EFCAB13: variants seen among roughly 807,000 people sequenced by gnomAD.
EFCAB13 encodes EF-hand calcium binding domain 13.
EFCAB13 carries 91 observed loss-of-function variants against 110.2 expected under a neutral mutation model. The ratio of observed to expected loss-of-function variants is 0.83; its 90% CI spans 0.70 to 0.98. The LOEUF (loss-of-function observed/expected upper bound fraction) is 0.98. Ranked by LOEUF, EFCAB13 falls within the 50% of genes least tolerant of loss-of-function variation. The pLI is 0.00. For missense variants in EFCAB13, 968 were observed against 1,119.4 expected, an observed-to-expected ratio of 0.86 and a Z score of 1.93; for synonymous variants, 323 against 369.9, an observed-to-expected ratio of 0.87 and a Z score of 1.45.
At chr17:47,328,789 T>G (rs1241672003) in intron 4 of EFCAB13, 1 of 160,780 alleles carries the variant, frequency 6.2e-6, no homozygotes, top group East Asian at 1.8e-4. Context: ...TTCTGTCTTT[T>G]TAGATGCCTC....
At chr17:47,418,945 C>A (rs1451120590) in intron 23 of EFCAB13, among the ~76,000 whole-genome samples, 1 of 152,126 alleles carries the variant, frequency 6.6e-6, no homozygotes, top group Admixed American at 6.5e-5. Flanking sequence ...CTTTTGATTG[C>A]TATAGCTTTG....
intron 24 of EFCAB13, among the ~76,000 whole-genome samples, chr17:47,433,302 T>C (rs1382178479): frequency 6.6e-6 from 1 of 152,208 alleles, no homozygotes; most frequent in Non-Finnish European, 1.5e-5. Context: ...CATGATTTGT[T>C]ACTGATGATA....
chr17:47,435,667 T>C (rs1230776359), intron 24 of EFCAB13, among the ~76,000 whole-genome samples: 8 of 152,144 alleles, frequency 5.3e-5, no homozygotes, highest in Admixed American at 6.5e-5. Flanking sequence ...TGCTGATTCT[T>C]TTATCAGTTC....
rs1489335961 is a variant in EFCAB13, at chr17:47,323,993, G to C, written c.-399G>C. On this transcript the variant is annotated 5_prime_UTR_variant, in exon 1 of 25. Transcript: ENST00000331493. The stretch of plus-strand genomic sequence containing the variant: ...CTGGGAAGGCTGCAGAGCTAGAGCA[G>C]CGCCGCCCGAGGGGCGGCAGGGGCT... 6.6e-6 allele frequency: 1 copy of C among 152,432 alleles called. No homozygotes were observed. Among genetic ancestry groups the C allele is most frequent in the South Asian group, 2.1e-4 (1 of 4,832 alleles). The allele number at this position is 152,432 out of a possible 1,614,324, so 9.4% of individuals were successfully genotyped here.
chr17:47,334,137 G>C (rs199696851), intron 4 of EFCAB13, among the ~76,000 whole-genome samples: 9 of 144,246 alleles, frequency 6.2e-5, no homozygotes, highest in African/African-American at 2.3e-4. Context: ...TTTTTTTTTT[G>C]TTAAAATTTC....
At chr17:47,424,537 CTTAT>C (rs1213694239) in intron 23 of EFCAB13, among the ~76,000 whole-genome samples, 1 of 152,176 alleles carries the variant, frequency 6.6e-6, no homozygotes, top group African/African-American at 2.4e-5. Flanking sequence ...GGGACAGATA[CTTAT>C]TTCTCTCTGG....
intron 4 of EFCAB13, chr17:47,328,887 A>G (rs999567984): frequency 1.3e-5 from 2 of 152,274 alleles, no homozygotes; most frequent in African/African-American, 4.8e-5. Context: ...ACTTTATTCA[A>G]AATAATTATT....
chr17:47,341,877 G>T, intron 5 of EFCAB13, 44 bp from the exon 6 acceptor site: 1 of 1,153,918 alleles, frequency 8.7e-7, no homozygotes, highest in Middle Eastern at 2.2e-4. Flanking sequence ...AAAAGAATAA[G>T]TAAAAAGAAA....
At chr17:47,421,645 A>G (rs1305169295) in intron 23 of EFCAB13, among the ~76,000 whole-genome samples, 14 of 121,626 alleles carry the variant, frequency 1.2e-4, no homozygotes, top group East Asian at 7.3e-4. Flanking sequence ...AAGAAAGAAA[A>G]AAAAAAAAGA....
chr17:47,385,219 T>A (rs923164352), intron 14 of EFCAB13, among the ~76,000 whole-genome samples: 1 of 152,180 alleles, frequency 6.6e-6, no homozygotes, highest in Non-Finnish European at 1.5e-5. Flanking sequence ...TTCTCCCAGA[T>A]AATATCCTGA....
At position 47,412,826 on chromosome 17, in the gene EFCAB13, A is replaced by G. The variant is rs776442940; in HGVS notation, c.2332A>G (p.Ile778Val). 3 of 1,613,808 alleles carry G rather than the reference A, an allele frequency of 1.9e-6. No individual in the cohort carries two copies. Among genetic ancestry groups the G allele is most frequent in the Non-Finnish European group, 2.5e-6 (3 of 1,179,824 alleles). Residue 778 changes from isoleucine (I) to valine (V), a missense_variant, in exon 22 of 25, where the codon ATA (isoleucine) becomes GTA (valine). Coordinates refer to ENST00000331493, the MANE Select transcript of EFCAB13 (RefSeq NM_152347.5). Reference protein sequence around the residue: ...LSHVDNGKIGIPDLEHALKCL... With the variant: ...LSHVDNGKIGVPDLEHALKCL... ...ACATGTCGATAATGGCAAGATTGGT[A>G]TACCTGATTTGGAGCATGCCTTGAA...
intron 14 of EFCAB13, among the ~76,000 whole-genome samples, chr17:47,389,949 C>T (rs1392102839): frequency 6.6e-6 from 1 of 151,526 alleles, no homozygotes; most frequent in Non-Finnish European, 1.5e-5. Context: ...GCTGTATGTA[C>T]TATTTACACA....
At chr17:47,385,582 T>C (rs1239963373) in intron 14 of EFCAB13, among the ~76,000 whole-genome samples, 4 of 152,034 alleles carry the variant, frequency 2.6e-5, no homozygotes, top group African/African-American at 9.7e-5. Flanking sequence ...TTGCATTGGG[T>C]TAGAACATGC....
At chr17:47,360,067 A>G (rs2143314079) in intron 9 of EFCAB13, among the ~76,000 whole-genome samples, 1 of 152,054 alleles carries the variant, frequency 6.6e-6, no homozygotes, top group East Asian at 1.9e-4. Context: ...GCTATTGTGA[A>G]TAGTGCCGCA....
rs2065407516 is a variant in EFCAB13, at chr17:47,345,047, A to G, written c.466A>G (p.Thr156Ala). ...GGAAATGCTGTCTAACCTCTACATG[A>G]CATTATATGATGAAGTAACCCATGG... ...EKEMLSNLYMTLYDEVTHGYL... is the reference protein window; with the variant it reads ...EKEMLSNLYMALYDEVTHGYL... Residue 156 changes from threonine (T) to alanine (A), a missense_variant, in exon 8 of 25, where the codon ACA becomes GCA. Physicochemically the swap from Thr to Ala is moderately conservative, Grantham distance 58. Coordinates refer to ENST00000331493, the MANE Select transcript of EFCAB13 (RefSeq NM_152347.5). 6.2e-7 allele frequency: 1 copy of G among 1,607,390 alleles called. No individual in the cohort carries two copies. The highest frequency in any genetic ancestry group is 8.5e-7 in the Non-Finnish European group (1 of 1,176,878).
rs116198178 is a variant in EFCAB13 at position 47,391,591 on chromosome 17, T to C, written c.1726+11T>C. On this transcript the variant is annotated intron_variant, in intron 15 of 24. Transcript: ENST00000331493. Reference sequence around the variant, plus strand: ...TGACTGAAGCTGGTGGTGAGTGATATATTTTCAGGCAAACTGCATTGACAC... The same window carrying C: ...TGACTGAAGCTGGTGGTGAGTGATACATTTTCAGGCAAACTGCATTGACAC... The C allele has an allele frequency of 1.0e-3, 1,591 of 1,554,038 alleles. 19 individuals carry two copies. The African/African-American group carries it at 0.017, about 17-fold the overall frequency.
chr17:47,426,934 A>G (rs1036467779), intron 23 of EFCAB13, among the ~76,000 whole-genome samples: 1 of 152,148 alleles, frequency 6.6e-6, no homozygotes, highest in African/African-American at 2.4e-5. Flanking sequence ...GTTTACTATC[A>G]TAAGAATTTA....
intron 24 of EFCAB13, among the ~76,000 whole-genome samples, chr17:47,434,822 T>G (rs908825108): frequency 1.3e-5 from 2 of 152,110 alleles, no homozygotes; most frequent in Non-Finnish European, 2.9e-5. Context: ...GGTGTGGGGA[T>G]AATTGGCAAA....
At chr17:47,378,890 T>C (rs1178553279) in intron 13 of EFCAB13, among the ~76,000 whole-genome samples, 1 of 152,154 alleles carries the variant, frequency 6.6e-6, no homozygotes, top group Non-Finnish European at 1.5e-5. Flanking sequence ...GTTAAGAAAT[T>C]AGTATCTAAC....
Sources: allele counts gnomAD v4.1 joint callset (sites outside exome capture counted in the v4.1 genomes callset), GRCh38; gene constraint gnomAD v4.1.1; transcripts MANE v1.5; gene names NCBI Gene and HGNC (gene_info 2026-07-23, HGNC 2026-07-21).